Variants in DPP10 observed in about 807,000 individuals in gnomAD.
DPP10 encodes the protein inactive dipeptidyl peptidase 10.
A neutral mutation model predicts 120.9 loss-of-function variants in DPP10; 33 were observed. The observed-to-expected ratio is 0.27, with a 90% CI of 0.21 to 0.37. The LOEUF (loss-of-function observed/expected upper bound fraction) is 0.37. DPP10 is among the 10% of genes least tolerant of loss of function. The pLI, the probability that DPP10 is intolerant of heterozygous loss-of-function variation, is 1.00. For missense variants in DPP10, 816 were observed against 942.8 expected (o/e 0.87, Z 1.76); for synonymous variants, 337 against 326.1 (o/e 1.03, Z -0.36).
At chr2:115,712,540 TTAAATATATATATA>T (rs1254002652) in intron 7 of DPP10, among the ~76,000 whole-genome samples, 5 of 18,076 alleles carry the variant, frequency 2.8e-4, no homozygotes, top group African/African-American at 4.6e-4. Flanking sequence ...GAGTCCTGAA[TTAAATATATATATA>T]TATATATATA....
At chr2:115,412,175 A>G (rs2069002083) in intron 3 of DPP10, among the ~76,000 whole-genome samples, 1 of 152,198 alleles carries the variant, frequency 6.6e-6, no homozygotes, top group Non-Finnish European at 1.5e-5. Flanking sequence ...CACCTAAAAC[A>G]GGTTGATGAG....
chr2:115,068,559 GC>G (rs1707115538), intron 1 of DPP10, among the ~76,000 whole-genome samples: 1 of 152,080 alleles, frequency 6.6e-6, no homozygotes, highest in South Asian at 2.1e-4. Context: ...TTATACAGAA[GC>G]TTTTTAGTTG....
chr2:114,992,678 GA>G (rs1180604624), intron 1 of DPP10, among the ~76,000 whole-genome samples: 3 of 152,194 alleles, frequency 2.0e-5, no homozygotes, highest in Admixed American at 6.5e-5. Flanking sequence ...TCCTGTTCTA[GA>G]GAGCTGAATC....
chr2:114,457,314 C>A lies in DPP10; in HGVS notation c.60+14476C>A, dbSNP rs35554125. Reference sequence around the variant, plus strand: ...GTCACTGGCATCGTAGGATGTCTGGCAGCATCCCTGGCCTCTACCAGTCAG... The same window carrying A: ...GTCACTGGCATCGTAGGATGTCTGGAAGCATCCCTGGCCTCTACCAGTCAG... On this transcript the variant is annotated intron_variant, in intron 1 of 25. Transcript: ENST00000410059. Among the ~76,000 whole-genome samples the A allele has an allele frequency of 9.6e-3, 1,458 of 152,298 alleles. 17 individuals carry two copies. Among genetic ancestry groups the A allele is most frequent in the Non-Finnish European group, 0.012 (806 of 68,022 alleles).
At chr2:114,990,408 AATCT>A (rs58799590) in intron 1 of DPP10, among the ~76,000 whole-genome samples, 37,867 of 151,608 alleles carry the variant, frequency 0.25, 4,737 homozygotes, top group East Asian at 0.34. Flanking sequence ...TTATCTATCT[AATCT>A]ATCTATCTAT....
intron 8 of DPP10, among the ~76,000 whole-genome samples, chr2:115,728,540 A>G (rs1160712320): frequency 6.6e-6 from 1 of 152,192 alleles, no homozygotes; most frequent in African/African-American, 2.4e-5. Flanking sequence ...TGCCTGGGCA[A>G]GACTCAAAGT....
At chr2:115,330,077 C>T (rs2062619739) in intron 2 of DPP10, among the ~76,000 whole-genome samples, 1 of 152,068 alleles carries the variant, frequency 6.6e-6, no homozygotes, top group Non-Finnish European at 1.5e-5. Flanking sequence ...GTTCCTATTT[C>T]TCCACATCCT....
chr2:115,580,290 A>G (rs2081938675), intron 5 of DPP10: 1 of 152,202 alleles, frequency 6.6e-6, no homozygotes, highest in African/African-American at 2.4e-5. Flanking sequence ...TAATATATCC[A>G]CTTGTCACAA....
chr2:114,921,908 T>G (rs1187640311), intron 1 of DPP10, among the ~76,000 whole-genome samples: 1 of 152,228 alleles, frequency 6.6e-6, no homozygotes, highest in East Asian at 1.9e-4. Context: ...CCTTTTCCCT[T>G]GTTTAAACTT....
rs1460116437 is a variant in DPP10 at position 114,462,060 on chromosome 2, T to A, written c.60+19222T>A. On this transcript the variant is annotated intron_variant, in intron 1 of 25. Transcript: ENST00000410059. ...GAGAAAACTGGAGCAGAGTGTGATA[T>A]CAAGAAAGGGCTTCACCAGGATGAT... The A allele has an allele frequency of 4.1e-6, 4 of 985,256 alleles. No individual in the cohort carries two copies. In the Admixed American group the frequency reaches 2.5e-4, roughly 61 times the overall value. The allele number at this position is 985,256 out of a possible 1,614,324, so 61.0% of individuals were successfully genotyped here.
chr2:115,121,636 C>G (rs2049829324), intron 1 of DPP10, among the ~76,000 whole-genome samples: 1 of 152,166 alleles, frequency 6.6e-6, no homozygotes, highest in Non-Finnish European at 1.5e-5. Context: ...TTGGGCAATT[C>G]TTTTTCCAGT....
At chr2:115,182,651 T>C (rs2054156548) in intron 1 of DPP10, among the ~76,000 whole-genome samples, 1 of 152,032 alleles carries the variant, frequency 6.6e-6, no homozygotes, top group Admixed American at 6.5e-5. Context: ...TACTCCTTTC[T>C]ATGGAATATA....
chr2:115,716,060 C>A (rs1194671251), intron 7 of DPP10, among the ~76,000 whole-genome samples: 2 of 152,204 alleles, frequency 1.3e-5, no homozygotes, highest in Non-Finnish European at 2.9e-5. Flanking sequence ...GAGATCTAAT[C>A]TAAACCATAT....
chr2:115,001,259 C>T (rs1222037214), intron 1 of DPP10, among the ~76,000 whole-genome samples: 2 of 152,030 alleles, frequency 1.3e-5, no homozygotes, highest in East Asian at 3.9e-4. Flanking sequence ...AGTTAATATC[C>T]ATTGAGATGT....
intron 1 of DPP10, among the ~76,000 whole-genome samples, chr2:115,214,634 A>T (rs2056709362): frequency 6.6e-6 from 1 of 152,182 alleles, no homozygotes; most frequent in South Asian, 2.1e-4. Flanking sequence ...AAGCCGTATG[A>T]AATTGTCAGA....
chr2:114,785,995 G>A (rs1010234043), intron 1 of DPP10, among the ~76,000 whole-genome samples: 25 of 152,174 alleles, frequency 1.6e-4, no homozygotes, highest in Non-Finnish European at 2.8e-4. Flanking sequence ...AGCACACACA[G>A]CCCCGTTTTC....
intron 1 of DPP10, among the ~76,000 whole-genome samples, chr2:114,645,120 T>C (rs1474729789): frequency 6.6e-6 from 1 of 152,166 alleles, no homozygotes; most frequent in Non-Finnish European, 1.5e-5. Context: ...GGGACACACT[T>C]GCTTTGTCTG....
At chr2:114,928,164 C>A (rs765469290) in intron 1 of DPP10, among the ~76,000 whole-genome samples, 1 of 152,214 alleles carries the variant, frequency 6.6e-6, no homozygotes, top group East Asian at 1.9e-4. Context: ...ATAAAATCAT[C>A]CCTCTCCAAT....
chr2:115,668,034 T>C (rs990984601), intron 5 of DPP10, among the ~76,000 whole-genome samples: 1 of 152,140 alleles, frequency 6.6e-6, no homozygotes, highest in African/African-American at 2.4e-5. Flanking sequence ...TTTGACAGTG[T>C]ATTATTTATT....
Sources: gnomAD v4.1 joint callset for allele counts (sites outside exome capture counted in the v4.1 genomes callset) on GRCh38, gnomAD v4.1.1 for gene constraint, MANE v1.5 for transcripts, NCBI Gene and HGNC (gene_info 2026-07-23, HGNC 2026-07-21) for gene names.